The following EML4 variants were observed in gnomAD, a reference collection of about 807,000 sequenced individuals.
The protein encoded by EML4 is echinoderm microtubule-associated protein-like 4.
In EML4, 72 loss-of-function variants were observed where a neutral mutation model predicts 129.0. The observed-to-expected ratio is 0.56, with a 90% confidence interval of 0.46 to 0.68. The LOEUF (loss-of-function observed/expected upper bound fraction) is 0.68. EML4 is among the 30% of genes least tolerant of loss of function. The pLI is 0.00. For missense variants in EML4, 1,363 were observed against 1,190.6 expected (o/e 1.14, Z -2.13); for synonymous variants, 532 against 405.0 (o/e 1.31, Z -3.77).
At chr2:42,248,343 A>C (rs1051457423) in intron 2 of EML4, among the ~76,000 whole-genome samples, 4 of 152,174 alleles carry the variant, frequency 2.6e-5, no homozygotes, top group African/African-American at 4.8e-5. Context: ...TCAGTAAAGA[A>C]AATTCTGAAA....
rs541773646 is a variant in EML4, at chr2:42,291,840, C to A, written c.1219-3285C>A. On this transcript the variant is annotated intron_variant, in intron 11 of 22. Transcript: ENST00000318522. ...TTTTTAAACAGCAAAAGACTTCCGG[C>A]ACTACATAAAACAGGGTGTCCAGGT... is the stretch of plus-strand genomic sequence containing the variant. 5.3e-5 allele frequency among the ~76,000 whole-genome samples: 8 copies of A among 152,288 alleles called. No homozygotes were observed. The South Asian group carries it at 1.5e-3, about 28-fold the overall frequency.
At position 42,284,710 on chromosome 2, in the gene EML4, G is replaced by A. The variant is rs1667191690; in HGVS notation, c.1011+7G>A. ...CGTGGATAAAGATGGAAGGGTGAGT[G>A]GCATAGTGTTATGCCTTCTGTACCT... On this transcript the variant is annotated splice_region_variant and intron_variant, in intron 9 of 22. Transcript: ENST00000318522. 2 of 1,609,252 alleles carry A rather than the reference G, an allele frequency of 1.2e-6. No homozygotes were observed. The highest frequency in any genetic ancestry group is 3.4e-5 in the Admixed American group (2 of 59,602).
intron 6 of EML4, among the ~76,000 whole-genome samples, chr2:42,279,222 TC>T (rs1449194863): frequency 1.3e-5 from 2 of 152,184 alleles, no homozygotes; most frequent in Non-Finnish European, 2.9e-5. Context: ...TGTTTCCACA[TC>T]TTGGCTATTG....
chr2:42,169,740 A>T, intron 1 of EML4, 104 bp downstream of exon 1: 1 of 1,356,634 alleles, frequency 7.4e-7, no homozygotes, highest in African/African-American at 1.5e-5. Context: ...TCGGGGTGGC[A>T]GCGGCTCCAC....
At chr2:42,317,398 C>A in intron 18 of EML4, 29 bp from the exon 19 acceptor site, 1 of 1,324,198 alleles carries the variant, frequency 7.6e-7, no homozygotes, top group Non-Finnish European at 1.1e-6. Flanking sequence ...GTATATTTCT[C>A]TAGTCAACAC....
At chr2:42,196,377 A>G (rs1473321333) in intron 1 of EML4, among the ~76,000 whole-genome samples, 1 of 152,246 alleles carries the variant, frequency 6.6e-6, no homozygotes, top group African/African-American at 2.4e-5. Flanking sequence ...AGTGCCAATC[A>G]TTTAGCCCTT....
At chr2:42,317,637 C>A in intron 19 of EML4, 113 bp downstream of exon 19, 1 of 676,594 alleles carries the variant, frequency 1.5e-6, no homozygotes. Context: ...GCTTTAATCT[C>A]TGTCTTTGAA....
intron 1 of EML4, among the ~76,000 whole-genome samples, chr2:42,226,109 A>G (rs1673940938): frequency 6.6e-6 from 1 of 152,116 alleles, no homozygotes; most frequent in South Asian, 2.1e-4. Context: ...CCGTAGACAC[A>G]TTTGTAAGTG....
intron 1 of EML4, among the ~76,000 whole-genome samples, chr2:42,178,418 G>C (rs1670739548): frequency 6.6e-6 from 1 of 151,878 alleles, no homozygotes; most frequent in African/African-American, 2.4e-5. Flanking sequence ...TGAACGTGGT[G>C]GTGCATGCCC....
At chr2:42,189,803 CTGT>C (rs773914432) in intron 1 of EML4, among the ~76,000 whole-genome samples, 6 of 151,988 alleles carry the variant, frequency 3.9e-5, no homozygotes, top group Admixed American at 6.6e-5. Context: ...TTTTCATTTG[CTGT>C]TGTTCTCTTA....
At chr2:42,171,578 A>G (rs1002336608) in intron 1 of EML4, among the ~76,000 whole-genome samples, 1 of 152,248 alleles carries the variant, frequency 6.6e-6, no homozygotes, top group African/African-American at 2.4e-5. Flanking sequence ...CTTTTCATAA[A>G]GAGCGTCATT....
intron 17 of EML4, among the ~76,000 whole-genome samples, chr2:42,314,858 A>G (rs982637573): frequency 6.6e-6 from 1 of 152,174 alleles, no homozygotes; most frequent in South Asian, 2.1e-4. Context: ...CTTTCCTTCA[A>G]ATACTTTTAG....
At chr2:42,266,816 A>G (rs534610027) in intron 6 of EML4, among the ~76,000 whole-genome samples, 9 of 152,272 alleles carry the variant, frequency 5.9e-5, no homozygotes, top group African/African-American at 1.9e-4. Flanking sequence ...TATAGTAACT[A>G]TAAAGCTTAT....
intron 1 of EML4, among the ~76,000 whole-genome samples, chr2:42,199,510 T>G (rs1403574615): frequency 6.6e-6 from 1 of 152,212 alleles, no homozygotes; most frequent in Non-Finnish European, 1.5e-5. Flanking sequence ...ATCATATGTG[T>G]GCTGCAATAG....
In EML4 at chr2:42,189,120, G is replaced by A. The variant is rs1671434771; in HGVS notation, c.25+19484G>A. Among the ~76,000 whole-genome samples, 2 of 152,018 alleles carry A rather than the reference G, an allele frequency of 1.3e-5. 1 individual carries two copies. The highest frequency in any genetic ancestry group is 4.2e-4 in the South Asian group (2 of 4,808). ...GGGCTCAAGCAGTCCTCCCTACTCG[G>A]CCTCCCAAAGTGCTGGGATTACAGG... On this transcript the variant is annotated intron_variant, in intron 1 of 22. Coordinates refer to ENST00000318522, the MANE Select transcript of EML4 (RefSeq NM_019063.5).
chr2:42,197,131 G>A (rs1671938208), intron 1 of EML4, among the ~76,000 whole-genome samples: 1 of 152,056 alleles, frequency 6.6e-6, no homozygotes, highest in Non-Finnish European at 1.5e-5. Flanking sequence ...GTGCAGTGGT[G>A]CGATCACTGC....
chr2:42,169,741 G>T (rs921426494), intron 1 of EML4, 105 bp downstream of exon 1: 7 of 1,332,366 alleles, frequency 5.3e-6, no homozygotes, highest in Non-Finnish European at 7.1e-6. Flanking sequence ...CGGGGTGGCA[G>T]CGGCTCCACT....
intron 1 of EML4, among the ~76,000 whole-genome samples, chr2:42,226,323 TGAA>T (rs1673953047): frequency 6.6e-6 from 1 of 152,066 alleles, no homozygotes; most frequent in Non-Finnish European, 1.5e-5. Context: ...AGGAATAAGT[TGAA>T]GAGATCTATT....
At position 42,306,382 on chromosome 2, in the gene EML4, T is replaced by G. The variant is rs118085953; in HGVS notation, c.1967+1831T>G. ...CCACAAAGGAATTCACTTCAGATCTTTATTTTTGGCAGCTAAACAGATATC... is the reference window on the plus strand; with the variant it reads ...CCACAAAGGAATTCACTTCAGATCTGTATTTTTGGCAGCTAAACAGATATC... On this transcript the variant is annotated intron_variant, in intron 17 of 22. Transcript: ENST00000318522. Among the ~76,000 whole-genome samples the G allele has an allele frequency of 9.9e-4, 150 of 152,258 alleles. 2 individuals carry two copies. The East Asian group carries it at 0.024, about 25-fold the overall frequency.
Sources: allele counts gnomAD v4.1 joint callset (sites outside exome capture counted in the v4.1 genomes callset), GRCh38; gene constraint gnomAD v4.1.1; transcripts MANE v1.5; gene names NCBI Gene and HGNC (gene_info 2026-07-23, HGNC 2026-07-21).